Variants in ADAM28 observed in about 807,000 individuals in gnomAD.
The protein encoded by ADAM28 is disintegrin and metalloproteinase domain-containing protein 28.
In ADAM28, 105 loss-of-function variants were observed where a neutral mutation model predicts 101.2. The observed-to-expected ratio is 1.04, with a 90% CI of 0.89 to 1.22. ADAM28 has a LOEUF of 1.22. ADAM28 is among the 50% of genes most tolerant of loss of function. The pLI is 0.00. For missense variants in ADAM28, 1,028 were observed against 945.4 expected, an observed-to-expected ratio of 1.09 and a Z score of -1.15; for synonymous variants, 322 against 310.6, an observed-to-expected ratio of 1.04 and a Z score of -0.39.
rs1236706745 is a variant in ADAM28 at position 24,309,988 on chromosome 8, T to G, written c.227+18T>G. 1 of 1,545,450 alleles carries G rather than the reference T, an allele frequency of 6.5e-7. No individual in the cohort carries two copies. The highest frequency in any genetic ancestry group is 1.1e-5 in the South Asian group (1 of 88,584). On this transcript the variant is annotated intron_variant, in intron 3 of 22. Transcript: ENST00000265769. ...AAAAACAAGTAAGTATCTTTACCTG[T>G]GATATTATCCTCAGCAAGAGCAAGG...
At chr8:24,305,572 G>A (rs537894594) in intron 2 of ADAM28, among the ~76,000 whole-genome samples, 4 of 146,558 alleles carry the variant, frequency 2.7e-5, no homozygotes, top group Non-Finnish European at 5.9e-5. Flanking sequence ...ATACATGTTG[G>A]TCTAAATAAA....
Position 24,331,201 on chromosome 8 carries a change from G to GT in ADAM28, c.1161dup (p.Glu388Ter). ...CCTGCAGCCGTCTCAGCTATGACAA[G>GT]TTTTTTGAAGATAAATTATCAAATT... is the stretch of plus-strand genomic sequence containing the variant. On this transcript the variant is annotated frameshift_variant, in exon 12 of 23. Transcript: ENST00000265769. LOFTEE classifies it high-confidence loss of function. 6.2e-7 allele frequency: 1 copy of GT among 1,613,448 alleles called. No homozygotes were observed. The highest frequency in any genetic ancestry group is 8.5e-7 in the Non-Finnish European group (1 of 1,179,660).
chr8:24,325,883 A>AAACAAAAAAAC (rs780810294), intron 9 of ADAM28, among the ~76,000 whole-genome samples: 1 of 114,672 alleles, frequency 8.7e-6, no homozygotes, highest in Non-Finnish European at 2.0e-5. Context: ...AAAAAAAAAA[A>AAACAAAAAAAC]AAAAAAAAAA....
intron 14 of ADAM28, among the ~76,000 whole-genome samples, chr8:24,338,779 G>C (rs76158631): frequency 0.014 from 2,104 of 152,190 alleles, 47 homozygotes; most frequent in African/African-American, 0.048. Flanking sequence ...CACAGAGAAG[G>C]AACATAGGTC....
chr8:24,298,897 A>C (rs1434861883), intron 1 of ADAM28, among the ~76,000 whole-genome samples: 1 of 152,218 alleles, frequency 6.6e-6, no homozygotes, highest in Non-Finnish European at 1.5e-5. Context: ...CTCTCTCTCC[A>C]AAATGACTTC....
intron 19 of ADAM28, among the ~76,000 whole-genome samples, chr8:24,350,546 A>G (rs927130969): frequency 1.3e-5 from 2 of 152,070 alleles, no homozygotes; most frequent in South Asian, 4.2e-4. Flanking sequence ...CCTGACCTCA[A>G]ATGATCCACC....
intron 18 of ADAM28, among the ~76,000 whole-genome samples, chr8:24,349,490 TTC>T (rs1453305972): frequency 6.6e-6 from 1 of 152,198 alleles, no homozygotes; most frequent in Non-Finnish European, 1.5e-5. Context: ...TAGTTTCTTT[TTC>T]TCTGTTTTAT....
At position 24,313,518 on chromosome 8, in the gene ADAM28, G is replaced by T; in HGVS notation, c.514G>T (p.Asp172Tyr). ...EKNYDSTCGM[D>Y]GVLWAHDLQQ... Reference sequence around the variant, plus strand: ...GAATTATGACAGCACCTGTGGGATGGATGGTGTGTTGTGGGCCCACGATTT... The same window carrying T: ...GAATTATGACAGCACCTGTGGGATGTATGGTGTGTTGTGGGCCCACGATTT... Residue 172 changes from aspartate (D) to tyrosine (Y), a missense_variant, in exon 6 of 23, where the codon GAT (aspartate) becomes TAT (tyrosine). Coordinates refer to ENST00000265769, the MANE Select transcript of ADAM28 (RefSeq NM_014265.6). The T allele has an allele frequency of 6.2e-7, 1 of 1,613,912 alleles. No individual in the cohort carries two copies. Among genetic ancestry groups the T allele is most frequent in the Admixed American group, 1.7e-5 (1 of 59,984 alleles).
intron 9 of ADAM28, among the ~76,000 whole-genome samples, chr8:24,324,296 AT>A (rs1240531260): frequency 2.0e-5 from 3 of 151,982 alleles, no homozygotes; most frequent in Admixed American, 1.3e-4. Context: ...AAAACAACTG[AT>A]TGGCTTTAGG....
At chr8:24,297,975 A>T (rs1227051049) in intron 1 of ADAM28, among the ~76,000 whole-genome samples, 1 of 152,158 alleles carries the variant, frequency 6.6e-6, no homozygotes, top group Non-Finnish European at 1.5e-5. Flanking sequence ...TGAGGAACTG[A>T]AGAACCCCGT....
intron 1 of ADAM28, 125 bp downstream of exon 1, chr8:24,294,320 C>A (rs1490244917): frequency 8.8e-7 from 1 of 1,133,408 alleles, no homozygotes; most frequent in Non-Finnish European, 1.3e-6. Context: ...ATCAATCTTA[C>A]TAACCAGTTG....
At chr8:24,294,280 T>C in intron 1 of ADAM28, 85 bp downstream of exon 1, 1 of 1,488,256 alleles carries the variant, frequency 6.7e-7, no homozygotes, top group Non-Finnish European at 9.3e-7. Flanking sequence ...GTATAAACTA[T>C]TTTGACTTTT....
At chr8:24,297,845 T>G (rs901258776) in intron 1 of ADAM28, among the ~76,000 whole-genome samples, 3 of 152,244 alleles carry the variant, frequency 2.0e-5, no homozygotes, top group African/African-American at 7.2e-5. Flanking sequence ...AATTTTTCTT[T>G]AGGTTTTTGA....
intron 8 of ADAM28, chr8:24,322,482 G>A (rs1812011310): frequency 6.6e-6 from 1 of 152,032 alleles, no homozygotes; most frequent in Non-Finnish European, 1.5e-5. Context: ...GCAGAAAACT[G>A]CGTGTGAATG....
intron 13 of ADAM28, among the ~76,000 whole-genome samples, chr8:24,334,639 A>C (rs1813779887): frequency 6.6e-6 from 1 of 152,222 alleles, no homozygotes; most frequent in Admixed American, 6.5e-5. Flanking sequence ...TTTGGGTTGA[A>C]TTTGTAGGAT....
chr8:24,348,890 G>A (rs556877155), intron 18 of ADAM28, among the ~76,000 whole-genome samples: 4 of 152,136 alleles, frequency 2.6e-5, no homozygotes, highest in Non-Finnish European at 5.9e-5. Flanking sequence ...TTACAGTTCT[G>A]ATATTAGTGC....
intron 10 of ADAM28, 30 bp from the exon 11 acceptor site, chr8:24,329,955 G>C: frequency 6.3e-7 from 1 of 1,592,646 alleles, no homozygotes; most frequent in Non-Finnish European, 8.6e-7. Context: ...TCGAAAATCA[G>C]AGAATCTTTT....
At chr8:24,297,605 T>C (rs1180447205) in intron 1 of ADAM28, among the ~76,000 whole-genome samples, 3 of 152,248 alleles carry the variant, frequency 2.0e-5, no homozygotes, top group South Asian at 2.1e-4. Context: ...TCTTGAACTC[T>C]CTATCTTAAC....
chr8:24,297,715 G>T (rs1268555534), intron 1 of ADAM28, among the ~76,000 whole-genome samples: 1 of 152,126 alleles, frequency 6.6e-6, no homozygotes, highest in Admixed American at 6.5e-5. Context: ...AGGCAGCAGG[G>T]AATTGTGTCA....
Sources: gnomAD v4.1 joint callset for allele counts (sites outside exome capture counted in the v4.1 genomes callset) on GRCh38, gnomAD v4.1.1 for gene constraint, MANE v1.5 for transcripts, NCBI Gene and HGNC (gene_info 2026-07-23, HGNC 2026-07-21) for gene names.